Variants in FRMD4A observed in about 807,000 individuals in gnomAD.
FRMD4A encodes the protein FERM domain-containing protein 4A.
FRMD4A carries 29 observed loss-of-function variants against 129.1 expected under a neutral mutation model. That is an observed-to-expected ratio of 0.22 (90% CI 0.17 to 0.31). The LOEUF (loss-of-function observed/expected upper bound fraction) is 0.31, where lower values mean the gene tolerates loss of function less well. Among genes scored for constraint, FRMD4A ranks in the 10% least tolerant of loss-of-function variants. The probability of loss-of-function intolerance (pLI) is 1.00; values close to 1 mark genes in which losing one functional copy is unlikely to be tolerated. For missense variants in FRMD4A, 1,272 were observed against 1,375.8 expected, an observed-to-expected ratio of 0.92 and a Z score of 1.19; for synonymous variants, 634 against 571.6, an observed-to-expected ratio of 1.11 and a Z score of -1.56.
intron 3 of FRMD4A, among the ~76,000 whole-genome samples, chr10:13,845,153 G>A (rs1426874636): frequency 6.6e-6 from 1 of 152,192 alleles, no homozygotes; most frequent in African/African-American, 2.4e-5. Context: ...AATGATGACT[G>A]ATTTGACATC....
intron 2 of FRMD4A, among the ~76,000 whole-genome samples, chr10:13,888,745 T>A (rs2094656823): frequency 6.6e-6 from 1 of 152,184 alleles, no homozygotes; most frequent in South Asian, 2.1e-4. Flanking sequence ...ACATATGAAT[T>A]GAAGTTACTC....
At chr10:14,138,615 C>G (rs947547779) in intron 2 of FRMD4A, among the ~76,000 whole-genome samples, 2 of 151,960 alleles carry the variant, frequency 1.3e-5, no homozygotes, top group African/African-American at 2.4e-5. Flanking sequence ...AAAAATTAGC[C>G]AGGCCGTGGT....
intron 5 of FRMD4A, among the ~76,000 whole-genome samples, chr10:13,786,474 C>T (rs916135891): frequency 2.0e-5 from 3 of 152,070 alleles, no homozygotes; most frequent in Non-Finnish European, 2.9e-5. Context: ...GGCGTGGTGG[C>T]GGACACCCGT....
chr10:13,789,384 G>C (rs1277677521), intron 5 of FRMD4A, among the ~76,000 whole-genome samples: 1 of 152,118 alleles, frequency 6.6e-6, no homozygotes, highest in Non-Finnish European at 1.5e-5. Flanking sequence ...GCTTGCTTCA[G>C]TTTATTGTCT....
At position 14,184,821 on chromosome 10, in the gene FRMD4A, T is replaced by G. The variant is rs557266068; in HGVS notation, c.45+145237A>C. ...CATTTTCTTATTTATTTATTTTTTA[T>G]TTTTTAAGGAAATGATAGATATCCT... is the stretch of plus-strand genomic sequence containing the variant. On this transcript the variant is annotated intron_variant, in intron 2 of 24. Coordinates refer to ENST00000357447, the MANE Select transcript of FRMD4A (RefSeq NM_018027.5). 7.2e-5 allele frequency among the ~76,000 whole-genome samples: 11 copies of G among 152,308 alleles called. No individual in the cohort carries two copies. The East Asian group carries it at 2.1e-3, about 29-fold the overall frequency.
chr10:14,208,730 C>A (rs1459322810), intron 2 of FRMD4A, among the ~76,000 whole-genome samples: 1 of 152,136 alleles, frequency 6.6e-6, no homozygotes, highest in Non-Finnish European at 1.5e-5. Flanking sequence ...AGACTGAGAC[C>A]TGGAGCAGGG....
Position 14,328,624 on chromosome 10 carries a change from GCA to G in FRMD4A, c.45+1432_45+1433del, listed in dbSNP as rs1279074961. On this transcript the variant is annotated intron_variant, in intron 2 of 24. Transcript: ENST00000357447. Reference sequence around the variant, plus strand: ...GTACTAGATAATATAATATACATATGCATGTGTGTGTGTGTGTGTGTGTGTGT... The same window carrying G: ...GTACTAGATAATATAATATACATATGTGTGTGTGTGTGTGTGTGTGTGTGT... 2.9e-5 allele frequency among the ~76,000 whole-genome samples: 3 copies of G among 103,394 alleles called. No homozygotes were observed. In the Admixed American group the frequency reaches 3.1e-4, roughly 11 times the overall value. The allele number at this position is 103,394 out of a possible 152,430, so 67.8% of individuals were successfully genotyped here. A position where few individuals can be genotyped will look rare whatever the true frequency, so the allele number is the denominator to read the frequency against.
At chr10:13,804,522 T>A (rs1430637797) in intron 4 of FRMD4A, among the ~76,000 whole-genome samples, 1 of 128,808 alleles carries the variant, frequency 7.8e-6, no homozygotes, top group Admixed American at 7.7e-5. Flanking sequence ...GAGTCAGGAC[T>A]TTTTCTTTCT....
At chr10:14,302,489 T>C (rs1415977295) in intron 2 of FRMD4A, among the ~76,000 whole-genome samples, 1 of 152,238 alleles carries the variant, frequency 6.6e-6, no homozygotes, top group African/African-American at 2.4e-5. Context: ...ACGAACCAGC[T>C]ATGCAACTTT....
chr10:13,815,193 A>G (rs748397048), intron 3 of FRMD4A, among the ~76,000 whole-genome samples: 2 of 152,230 alleles, frequency 1.3e-5, no homozygotes, highest in Non-Finnish European at 2.9e-5. Flanking sequence ...GCTGGGATTC[A>G]AAACAAGGTT....
At chr10:14,222,351 C>T (rs536143553) in intron 2 of FRMD4A, among the ~76,000 whole-genome samples, 24 of 152,306 alleles carry the variant, frequency 1.6e-4, no homozygotes, top group Admixed American at 3.3e-4. Context: ...AGTAGAGGTG[C>T]TCTCTAGCGT....
At chr10:13,823,728 C>G (rs190285886) in intron 3 of FRMD4A, among the ~76,000 whole-genome samples, 1 of 152,182 alleles carries the variant, frequency 6.6e-6, no homozygotes, top group Non-Finnish European at 1.5e-5. Context: ...TCTATAAGAT[C>G]AAATGACACA....
chr10:14,324,315 G>T (rs1018665), intron 2 of FRMD4A, among the ~76,000 whole-genome samples: 71,235 of 151,992 alleles, frequency 0.47, 17,697 homozygotes, highest in Non-Finnish European at 0.56. Context: ...TTTACCTTGG[G>T]TGCAATAATT....
At chr10:14,137,742 C>A (rs1474759893) in intron 2 of FRMD4A, among the ~76,000 whole-genome samples, 1 of 152,150 alleles carries the variant, frequency 6.6e-6, no homozygotes, top group Non-Finnish European at 1.5e-5. Context: ...TATGTTTTTC[C>A]CACCTGTTAA....
rs997277544 is a variant in FRMD4A, at chr10:14,136,684, T to C, written c.45+193374A>G. Among the ~76,000 whole-genome samples the C allele has an allele frequency of 4.2e-4, 64 of 152,090 alleles. 1 individual carries two copies. The highest frequency in any genetic ancestry group is 3.9e-3 in the Admixed American group (59 of 15,266). Reference sequence around the variant, plus strand: ...CCACCCCTGCCCATCCCCACCCGCTTCCAGTTGTCTCGCCTTTCCTGGCTG... The same window carrying C: ...CCACCCCTGCCCATCCCCACCCGCTCCCAGTTGTCTCGCCTTTCCTGGCTG... On this transcript the variant is annotated intron_variant, in intron 2 of 24. Coordinates refer to ENST00000357447, the MANE Select transcript of FRMD4A (RefSeq NM_018027.5).
intron 2 of FRMD4A, among the ~76,000 whole-genome samples, chr10:14,040,947 C>G (rs79584799): frequency 0.013 from 2,035 of 152,276 alleles, 63 homozygotes; most frequent in East Asian, 0.11. Context: ...CCAGAGAAAT[C>G]TATTTCTCCA....
chr10:13,666,295 A>T lies in FRMD4A; in HGVS notation c.1405T>A (p.Phe469Ile). 6.2e-7 allele frequency: 1 copy of T among 1,613,834 alleles called. No homozygotes were observed. The highest frequency in any genetic ancestry group is 2.2e-5 in the East Asian group (1 of 44,872). ...EAELERLEREFAIQSQITEAA... is the reference protein window; with the variant it reads ...EAELERLEREIAIQSQITEAA... ...TCCGTAATCTGGGACTGAATGGCAA[A>T]CTCTCGTTCCAGGCGTTCCAGCTCA... The change falls in exon 18 of 25, where the codon TTT (phenylalanine) becomes ATT (isoleucine). Residue 469 changes from phenylalanine to isoleucine, a missense_variant. Physicochemically the swap from Phe to Ile is conservative, Grantham distance 21 (BLOSUM62 0). Coordinates refer to ENST00000357447, the MANE Select transcript of FRMD4A (RefSeq NM_018027.5).
intron 2 of FRMD4A, among the ~76,000 whole-genome samples, chr10:14,175,860 T>C (rs1023334565): frequency 3.9e-5 from 6 of 152,160 alleles, no homozygotes; most frequent in Non-Finnish European, 7.3e-5. Context: ...CTGCGTCACC[T>C]TAGTTGCAGG....
rs11377448 is a variant in FRMD4A, at chr10:14,000,646, C to CAAAAA, written c.46-141739_46-141735dup. On this transcript the variant is annotated intron_variant, in intron 2 of 24. Coordinates refer to ENST00000357447, the MANE Select transcript of FRMD4A (RefSeq NM_018027.5). ...TGGGTGACAGAGCAAGACGCCACCTCAAAAAAAAAAAAAAAAAAAAAAGAG... is the reference window on the plus strand; with the variant it reads ...TGGGTGACAGAGCAAGACGCCACCTCAAAAAAAAAAAAAAAAAAAAAAAAAAAGAG... Among the ~76,000 whole-genome samples, 38 of 43,468 alleles carry CAAAAA rather than the reference C, an allele frequency of 8.7e-4. 3 individuals carry two copies. Among genetic ancestry groups the CAAAAA allele is most frequent in the South Asian group, 3.1e-3 (2 of 654 alleles). The allele number at this position is 43,468 out of a possible 152,430, so 28.5% of individuals were successfully genotyped here. A position where few individuals can be genotyped will look rare whatever the true frequency, so the allele number is the denominator to read the frequency against.
Sources: allele counts gnomAD v4.1 joint callset (sites outside exome capture counted in the v4.1 genomes callset), GRCh38; gene constraint gnomAD v4.1.1; transcripts MANE v1.5; gene names NCBI Gene and HGNC (gene_info 2026-07-23, HGNC 2026-07-21).